C9: variants seen among roughly 807,000 people sequenced by gnomAD.
C9 encodes complement C9, also known as complement component C9.
C9 carries 63 observed loss-of-function variants against 65.4 expected under a neutral mutation model. The observed-to-expected ratio is 0.96, with a 90% CI of 0.79 to 1.19. The LOEUF is 1.19. Among genes scored for constraint, C9 ranks in the 50% most tolerant of loss-of-function variants. C9 has a pLI of 0.00. For synonymous variants in C9, 229 were observed against 227.9 expected (o/e 1.00, Z -0.04); for missense variants, 744 against 670.1 (o/e 1.11, Z -1.22).
chr5:39,333,264 C>G (rs1753877893), intron 4 of C9, among the ~76,000 whole-genome samples: 1 of 152,166 alleles, frequency 6.6e-6, no homozygotes, highest in Admixed American at 6.5e-5. Flanking sequence ...GCAAAGTATA[C>G]TTCCCTCCCT....
intron 7 of C9, among the ~76,000 whole-genome samples, chr5:39,310,289 C>A (rs980324713): frequency 6.6e-6 from 1 of 152,134 alleles, no homozygotes; most frequent in South Asian, 2.1e-4. Context: ...TTTAGCAACG[C>A]TTTCCTCCCT....
intron 4 of C9, among the ~76,000 whole-genome samples, chr5:39,339,831 T>C (rs1025126841): frequency 1.3e-5 from 2 of 151,920 alleles, no homozygotes; most frequent in African/African-American, 4.8e-5. Flanking sequence ...TGCTGATTTT[T>C]TGTATTTTTA....
chr5:39,285,364 T>A, intron 10 of C9, 131 bp from the exon 11 acceptor site: 1 of 745,194 alleles, frequency 1.3e-6, no homozygotes, highest in Admixed American at 2.0e-5. Flanking sequence ...GTACTGGGAA[T>A]AGAATGTGGT....
intron 1 of C9, among the ~76,000 whole-genome samples, chr5:39,359,102 G>GTATATATATATATATATATATA (rs1157807681): frequency 1.7e-3 from 172 of 103,610 alleles, no homozygotes; most frequent in Non-Finnish European, 1.9e-3. Context: ...GTGTGTGTGT[G>GTATATATATATATATATATATA]TATATATATA....
In C9 at chr5:39,331,755, C is replaced by A; in HGVS notation, c.536G>T (p.Gly179Val). The change falls in exon 5 of 11, where the codon GGA (glycine) becomes GTA (valine). Residue 179 changes from glycine to valine, a missense_variant. Transcript: ENST00000263408. ...STPFDNEFYN[G>V]LCNRDRDGNT... ...TCCATCCCGATCCCGGTTACAGAGT[C>A]CATTGTAGAACTCATTGTCAAAAGG... The A allele has an allele frequency of 6.2e-7, 1 of 1,612,704 alleles. No individual in the cohort carries two copies. The highest frequency in any genetic ancestry group is 8.5e-7 in the Non-Finnish European group (1 of 1,178,684).
chr5:39,292,640 G>A (rs188539813), intron 9 of C9, among the ~76,000 whole-genome samples: 17 of 151,554 alleles, frequency 1.1e-4, no homozygotes, highest in African/African-American at 2.7e-4. Context: ...AAATGTTGTC[G>A]CATTGTAGTA....
At chr5:39,296,752 AT>A (rs1453203472) in intron 9 of C9, among the ~76,000 whole-genome samples, 1 of 151,662 alleles carries the variant, frequency 6.6e-6, no homozygotes, top group African/African-American at 2.4e-5. Flanking sequence ...CTATTAAGCC[AT>A]AAAAAAGAAC....
chr5:39,352,828 G>A (rs2111977473), intron 1 of C9, among the ~76,000 whole-genome samples: 1 of 149,368 alleles, frequency 6.7e-6, no homozygotes, highest in South Asian at 2.1e-4. Flanking sequence ...TTGTGATGAA[G>A]TCTAAGTTTT....
Position 39,306,747 on chromosome 5 carries a change from A to G in C9, c.1286T>C (p.Ile429Thr), listed in dbSNP as rs1753387168. 9 of 1,612,582 alleles carry G rather than the reference A, an allele frequency of 5.6e-6. No homozygotes were observed. Among genetic ancestry groups the G allele is most frequent in the Non-Finnish European group, 5.9e-6 (7 of 1,178,858 alleles). The change falls in exon 9 of 11, where the codon ATA becomes ACA. Residue 429 changes from isoleucine to threonine, a missense_variant. Transcript: ENST00000263408. ...ENLIDDVVSL[I>T]RGGTRKYAFE... is the part of the protein sequence containing the mutation. ...TGCATATTTTCTGGTTCCACCTCTTATGAGTGAAACAACATCATCTATGAG... is the reference window on the plus strand; with the variant it reads ...TGCATATTTTCTGGTTCCACCTCTTGTGAGTGAAACAACATCATCTATGAG...
At chr5:39,305,697 A>T (rs1753360784) in intron 9 of C9, among the ~76,000 whole-genome samples, 1 of 152,188 alleles carries the variant, frequency 6.6e-6, no homozygotes, top group South Asian at 2.1e-4. Context: ...CTTTACAATG[A>T]TAACACATTT....
chr5:39,347,062 A>G (rs1375294860), intron 1 of C9, among the ~76,000 whole-genome samples: 1 of 152,220 alleles, frequency 6.6e-6, no homozygotes, highest in Non-Finnish European at 1.5e-5. Flanking sequence ...CACAGCCAAT[A>G]TCATACTGAA....
chr5:39,289,875 C>G (rs946264545), intron 9 of C9, among the ~76,000 whole-genome samples: 1 of 151,770 alleles, frequency 6.6e-6, no homozygotes, highest in Non-Finnish European at 1.5e-5. Context: ...TTTCCTGAGC[C>G]CCATCCAACA....
chr5:39,340,358 A>G (rs1754052000), intron 4 of C9, among the ~76,000 whole-genome samples: 1 of 152,162 alleles, frequency 6.6e-6, no homozygotes, highest in South Asian at 2.1e-4. Flanking sequence ...CAACAAATCC[A>G]CCTTTACCAA....
At chr5:39,287,571 C>T (rs1753012829) in intron 10 of C9, among the ~76,000 whole-genome samples, 1 of 151,956 alleles carries the variant, frequency 6.6e-6, no homozygotes, top group Non-Finnish European at 1.5e-5. Context: ...ATGGAATCAA[C>T]TTTCATGTCC....
intron 9 of C9, among the ~76,000 whole-genome samples, chr5:39,290,179 C>A (rs1182960291): frequency 6.6e-6 from 1 of 151,630 alleles, no homozygotes; most frequent in Non-Finnish European, 1.5e-5. Flanking sequence ...TCCAAAGATA[C>A]AAAATTGTAG....
rs1753561228 is a variant in C9 at position 39,315,893 on chromosome 5, G to T, written c.752C>A (p.Ala251Asp). 1 of 1,613,394 alleles carries T rather than the reference G, an allele frequency of 6.2e-7. No individual in the cohort carries two copies. Among genetic ancestry groups the T allele is most frequent in the Non-Finnish European group, 8.5e-7 (1 of 1,179,468 alleles). The change falls in exon 6 of 11, where the codon GCT becomes GAT. Residue 251 changes from alanine (A) to aspartate (D), a missense_variant. By Grantham distance (126) the Ala-to-Asp change is moderately radical. Coordinates refer to ENST00000263408, the MANE Select transcript of C9 (RefSeq NM_001737.5). ...LKFTPTETNK[A>D]EQCCEETASS... ...GGCTGTTTCCTCACAACATTGTTCA[G>T]CTTTATTTGTTTCAGTGGGTGTAAA...
intron 1 of C9, among the ~76,000 whole-genome samples, chr5:39,350,434 A>T (rs752404418): frequency 2.4e-4 from 37 of 152,166 alleles, no homozygotes; most frequent in Non-Finnish European, 1.2e-4. Context: ...AGTCCCCTAG[A>T]GTCTTAACTT....
At chr5:39,362,620 G>A (rs78577445) in intron 1 of C9, among the ~76,000 whole-genome samples, 68 of 152,286 alleles carry the variant, frequency 4.5e-4, no homozygotes, top group African/African-American at 1.6e-3. Context: ...TACAGACGAG[G>A]GAAGCGAGGT....
intron 1 of C9, 46 bp downstream of exon 1, chr5:39,364,342 T>C (rs369645071): frequency 1.7e-5 from 18 of 1,046,488 alleles, no homozygotes; most frequent in East Asian, 1.4e-4. Flanking sequence ...GAGATGCTAA[T>C]CCTACAGGAA....
Sources: allele counts gnomAD v4.1 joint callset (sites outside exome capture counted in the v4.1 genomes callset), GRCh38; gene constraint gnomAD v4.1.1; transcripts MANE v1.5; gene names NCBI Gene and HGNC (gene_info 2026-07-23, HGNC 2026-07-21).